The following GRM7 variants were observed in gnomAD, a reference collection of about 807,000 sequenced individuals.
GRM7 encodes glutamate metabotropic receptor 7, also known as metabotropic glutamate receptor 7.
In GRM7, 35 loss-of-function variants were observed where a neutral mutation model predicts 84.5. That is an observed-to-expected ratio of 0.41 (90% CI 0.32 to 0.55). The LOEUF (loss-of-function observed/expected upper bound fraction) is 0.55, where lower values mean the gene tolerates loss of function less well. Ranked by LOEUF, GRM7 falls within the 20% of genes least tolerant of loss-of-function variation. The pLI is 0.19. For synonymous variants in GRM7, 487 were observed against 455.1 expected (o/e 1.07, Z -0.89); for missense variants, 1,003 against 1,194.6 (o/e 0.84, Z 2.36).
chr3:7,348,132 A>T (rs1692973595), intron 4 of GRM7, among the ~76,000 whole-genome samples: 1 of 152,118 alleles, frequency 6.6e-6, no homozygotes, highest in Non-Finnish European at 1.5e-5. Context: ...ATAAGCAGTG[A>T]CTTTTATCGG....
intron 4 of GRM7, among the ~76,000 whole-genome samples, chr3:7,349,340 A>G (rs1158033422): frequency 6.6e-6 from 1 of 152,132 alleles, no homozygotes; most frequent in African/African-American, 2.4e-5. Flanking sequence ...CTTATTTTCT[A>G]TTAGCATAAA....
At chr3:7,693,786 G>T in intron 9 of GRM7, 1 of 713,994 alleles carries the variant, frequency 1.4e-6, no homozygotes, top group Non-Finnish European at 2.4e-6. Context: ...TATCCTGTTT[G>T]CATGAGTTTA....
At chr3:6,990,326 C>A (rs1021045734) in intron 1 of GRM7, among the ~76,000 whole-genome samples, 13 of 152,186 alleles carry the variant, frequency 8.5e-5, no homozygotes, top group East Asian at 1.9e-4. Flanking sequence ...GCAAATAAAT[C>A]TAATGGCAGT....
At chr3:7,174,368 A>T (rs577376081) in intron 2 of GRM7, among the ~76,000 whole-genome samples, 1 of 152,234 alleles carries the variant, frequency 6.6e-6, no homozygotes, top group African/African-American at 2.4e-5. Context: ...GTGACATCAT[A>T]GTGATTTAGA....
At chr3:7,292,209 T>C (rs952278744) in intron 2 of GRM7, among the ~76,000 whole-genome samples, 1 of 152,184 alleles carries the variant, frequency 6.6e-6, no homozygotes, top group Non-Finnish European at 1.5e-5. Context: ...AGTTGACCCC[T>C]CTGTTGCCTC....
intron 1 of GRM7, among the ~76,000 whole-genome samples, chr3:6,936,192 C>G (rs557173973): frequency 1.8e-4 from 28 of 152,328 alleles, no homozygotes; most frequent in Non-Finnish European, 3.1e-4. Flanking sequence ...GTGTTCTGCT[C>G]TTGCAGTGCA....
chr3:6,934,231 C>T (rs62235411), intron 1 of GRM7, among the ~76,000 whole-genome samples: 11,119 of 152,166 alleles, frequency 0.073, 557 homozygotes, highest in Non-Finnish European at 0.11. Flanking sequence ...AGAAAATCTC[C>T]CTTGAATGAA....
At chr3:6,990,577 G>T (rs768300777) in intron 1 of GRM7, among the ~76,000 whole-genome samples, 6 of 152,166 alleles carry the variant, frequency 3.9e-5, no homozygotes, top group Admixed American at 3.9e-4. Context: ...CTTGGGGTGA[G>T]ATGTCTCTGA....
chr3:6,975,569 A>G (rs186504633), intron 1 of GRM7, among the ~76,000 whole-genome samples: 13 of 152,308 alleles, frequency 8.5e-5, no homozygotes, highest in African/African-American at 3.1e-4. Context: ...TAAACACACA[A>G]AATGAAGTAC....
intron 4 of GRM7, among the ~76,000 whole-genome samples, chr3:7,370,702 C>T (rs1489067588): frequency 6.6e-6 from 1 of 152,142 alleles, no homozygotes; most frequent in African/African-American, 2.4e-5. Flanking sequence ...CTAGAAACGA[C>T]TCCCCTCCTT....
chr3:7,311,571 AT>A (rs1388188584), intron 4 of GRM7, among the ~76,000 whole-genome samples: 1 of 150,436 alleles, frequency 6.6e-6, no homozygotes, highest in Admixed American at 6.6e-5. Context: ...GGCCGTCTCA[AT>A]CTTATGGCAC....
At chr3:7,472,026 T>G (rs1450182123) in intron 7 of GRM7, among the ~76,000 whole-genome samples, 1 of 152,158 alleles carries the variant, frequency 6.6e-6, no homozygotes, top group Non-Finnish European at 1.5e-5. Flanking sequence ...ATGCCCTACC[T>G]CGGAGGTGAG....
At chr3:6,944,106 T>C (rs532689793) in intron 1 of GRM7, among the ~76,000 whole-genome samples, 187 of 152,198 alleles carry the variant, frequency 1.2e-3, no homozygotes, top group Admixed American at 2.5e-3. Flanking sequence ...TCTATATATG[T>C]GACCATACCG....
rs1694744241 is a variant in GRM7, at chr3:6,861,281, G to A, written c.-108G>A. On this transcript the variant is annotated 5_prime_UTR_variant, in exon 1 of 10. Transcript: ENST00000357716. The surrounding 1 kb of genome is among the most constrained non-coding windows in gnomAD (Gnocchi z 6.4). ...ATTCCCCCACCCTCCGTGCCTGCAG[G>A]AGCCCCTGGGCTTTCCCGGAGGAGC... 2.1e-6 allele frequency: 2 copies of A among 946,086 alleles called. No individual in the cohort carries two copies. The highest frequency in any genetic ancestry group is 2.9e-6 in the Non-Finnish European group (2 of 698,558). The allele number at this position is 946,086 out of a possible 1,614,324, so 58.6% of individuals were successfully genotyped here.
rs138468005 is a variant in GRM7 at position 7,317,167 on chromosome 3, G to A, written c.1033+10515G>A. 5.8e-3 allele frequency among the ~76,000 whole-genome samples: 881 copies of A among 152,174 alleles called. 13 individuals are homozygous for A. The highest frequency in any genetic ancestry group is 0.02 in the African/African-American group (837 of 41,518). On this transcript the variant is annotated intron_variant, in intron 4 of 9. Coordinates refer to ENST00000357716, the MANE Select transcript of GRM7 (RefSeq NM_000844.4). ...GTGATTTTTTACATAGACTTATTGC[G>A]TCTGAGTGATTGGAAAAAGTCTGGT...
intron 1 of GRM7, among the ~76,000 whole-genome samples, chr3:7,128,198 A>G (rs1442980986): frequency 6.6e-6 from 1 of 151,938 alleles, no homozygotes; most frequent in East Asian, 1.9e-4. Context: ...TTTGATTCCT[A>G]CACTTGTTTT....
chr3:7,404,139 G>C (rs534858056), intron 4 of GRM7, among the ~76,000 whole-genome samples: 37 of 152,274 alleles, frequency 2.4e-4, no homozygotes, highest in Non-Finnish European at 4.4e-4. Context: ...GGTGTAAACT[G>C]TTGTAAACAT....
intron 9 of GRM7, chr3:7,686,399 C>A: frequency 6.4e-7 from 1 of 1,560,792 alleles, no homozygotes; most frequent in Non-Finnish European, 8.8e-7. Flanking sequence ...AAGTCTGTTA[C>A]TTGGTACACT....
In GRM7 at chr3:7,457,559, A is replaced by T. The variant is rs188099412; in HGVS notation, c.1376-4024A>T. Among the ~76,000 whole-genome samples, 12 of 152,294 alleles carry T rather than the reference A, an allele frequency of 7.9e-5. No homozygotes were observed. The East Asian group carries it at 2.3e-3, about 29-fold the overall frequency. On this transcript the variant is annotated intron_variant, in intron 6 of 9. Coordinates refer to ENST00000357716, the MANE Select transcript of GRM7 (RefSeq NM_000844.4). ...TACTAGTTTCTAGAAAACAAATTGGAGTAGGTTATATTTTGTAGAGATGGC... is the reference window on the plus strand; with the variant it reads ...TACTAGTTTCTAGAAAACAAATTGGTGTAGGTTATATTTTGTAGAGATGGC...
Sources: gnomAD v4.1 joint callset for allele counts (sites outside exome capture counted in the v4.1 genomes callset) on GRCh38, gnomAD v4.1.1 for gene constraint, Gnocchi (gnomAD v3.1) non-coding constraint, MANE v1.5 for transcripts, NCBI Gene and HGNC (gene_info 2026-07-23, HGNC 2026-07-21) for gene names.